The following EP300 variants were observed in gnomAD, a reference collection of about 807,000 sequenced individuals.
The protein encoded by EP300 is EP300 lysine acetyltransferase, also known as histone acetyltransferase p300.
Under a neutral mutation model 264.0 loss-of-function variants are expected in EP300, and 31 were observed. That is an observed-to-expected ratio of 0.12 (90% CI 0.09 to 0.16). The LOEUF (loss-of-function observed/expected upper bound fraction) is 0.16, where lower values mean the gene tolerates loss of function less well. Among genes scored for constraint, EP300 ranks in the 10% least tolerant of loss-of-function variants. The probability of loss-of-function intolerance (pLI) is 1.00; values close to 1 mark genes in which losing one functional copy is unlikely to be tolerated. For synonymous variants in EP300, 1,340 were observed against 1,045.4 expected (o/e 1.28, Z -5.44); for missense variants, 2,766 against 3,052.9 (o/e 0.91, Z 2.21).
chr22:41,178,744 A>G lies in EP300; in HGVS notation c.7033A>G (p.Ser2345Gly). ...PSPHHVSPQT[S>G]SPHPGLVAAQ... ...TCCACACCACGTTTCCCCACAGACA[A>G]GTTCCCCACATCCTGGACTGGTAGC... is the stretch of plus-strand genomic sequence containing the variant. Residue 2345 changes from serine to glycine, a missense_variant, in exon 31 of 31, where the codon AGT (serine) becomes GGT (glycine). Physicochemically the swap from Ser to Gly is moderately conservative, Grantham distance 56. Coordinates refer to ENST00000263253, the MANE Select transcript of EP300 (RefSeq NM_001429.4). The G allele has an allele frequency of 6.2e-7, 1 of 1,614,048 alleles. No individual in the cohort carries two copies.
At chr22:41,101,492 A>G (rs1423319725) in intron 1 of EP300, among the ~76,000 whole-genome samples, 2 of 143,804 alleles carry the variant, frequency 1.4e-5, no homozygotes, top group Non-Finnish European at 3.0e-5. Context: ...GCTCACTGCC[A>G]GCTCCGCCTC....
chr22:41,155,255 T>A (rs568765895), intron 17 of EP300, 142 bp downstream of exon 17: 2 of 770,602 alleles, frequency 2.6e-6, no homozygotes, highest in African/African-American at 1.7e-5. Context: ...TGAGACAGGG[T>A]CTTATTCTGG....
intron 10 of EP300, among the ~76,000 whole-genome samples, chr22:41,143,278 T>C (rs2058993077): frequency 6.6e-6 from 1 of 152,004 alleles, no homozygotes; most frequent in African/African-American, 2.4e-5. Flanking sequence ...ATGGTGAAAC[T>C]CTGTCTCTAT....
chr22:41,137,005 AG>A (rs1166581238), intron 7 of EP300, among the ~76,000 whole-genome samples: 1 of 151,826 alleles, frequency 6.6e-6, no homozygotes, highest in Non-Finnish European at 1.5e-5. Flanking sequence ...GGTTGCAGTG[AG>A]CTGAGATCAT....
At position 41,178,299 on chromosome 22, in the gene EP300, A is replaced by T; in HGVS notation, c.6588A>T (p.Gly2196=). Residue 2196 remains glycine, a synonymous_variant, in exon 31 of 31, where the codon GGA becomes GGT. Coordinates refer to ENST00000263253, the MANE Select transcript of EP300 (RefSeq NM_001429.4). ...QQMMQQQQQQ[G]AGPGIGPGMA... Reference sequence around the variant, plus strand: ...TGATGCAACAGCAGCAGCAACAGGGAGCAGGGCCAGGAATAGGCCCTGGAA... The same window carrying T: ...TGATGCAACAGCAGCAGCAACAGGGTGCAGGGCCAGGAATAGGCCCTGGAA... 6.2e-7 allele frequency: 1 copy of T among 1,614,156 alleles called. No individual in the cohort carries two copies. The highest frequency in any genetic ancestry group is 8.5e-7 in the Non-Finnish European group (1 of 1,180,020).
intron 22 of EP300, 113 bp from the exon 23 acceptor site, chr22:41,166,486 A>G (rs1287492442): frequency 4.9e-6 from 4 of 811,012 alleles, no homozygotes; most frequent in Admixed American, 2.3e-5. Context: ...TTAACTCTTC[A>G]TTAGAAATTT....
chr22:41,097,302 G>C (rs888595780), intron 1 of EP300, among the ~76,000 whole-genome samples: 1 of 152,188 alleles, frequency 6.6e-6, no homozygotes, highest in African/African-American at 2.4e-5. Flanking sequence ...ATTCCAGCAG[G>C]AGTTCATCTT....
rs772381985 is a variant in EP300, at chr22:41,177,549, A to G, written c.5838A>G (p.Gln1946=). The change falls in exon 31 of 31, where the codon CAA becomes CAG. Residue 1946 remains glutamine, a synonymous_variant. Transcript: ENST00000263253. ...AETQRQMAHV[Q]IFQRPIQHQM... is the part of the protein sequence containing the mutation. Reference sequence around the variant, plus strand: ...CGCAGCGCCAGATGGCCCACGTGCAAATTTTTCAAAGGCCAATCCAACACC... The same window carrying G: ...CGCAGCGCCAGATGGCCCACGTGCAGATTTTTCAAAGGCCAATCCAACACC... The G allele has an allele frequency of 6.8e-6, 11 of 1,614,116 alleles. No individual in the cohort carries two copies. Among genetic ancestry groups the G allele is most frequent in the African/African-American group, 1.3e-5 (1 of 75,014 alleles).
At chr22:41,124,082 G>A (rs374575507) in intron 2 of EP300, among the ~76,000 whole-genome samples, 22 of 152,048 alleles carry the variant, frequency 1.4e-4, no homozygotes, top group African/African-American at 4.3e-4. Context: ...ACCCCGTCTC[G>A]ACTGAAAGTA....
rs536890335 is a variant in EP300, at chr22:41,126,310, G to T, written c.906+270G>T. On this transcript the variant is annotated intron_variant, in intron 3 of 30. Coordinates refer to ENST00000263253, the MANE Select transcript of EP300 (RefSeq NM_001429.4). ...TGAAGTTTTAGGGGCCTGCCATTCAGCAACTTGGTCTTGTGAGCGTTTCCA... is the reference window on the plus strand; with the variant it reads ...TGAAGTTTTAGGGGCCTGCCATTCATCAACTTGGTCTTGTGAGCGTTTCCA... 163 of 410,508 alleles carry T rather than the reference G, an allele frequency of 4.0e-4. 1 individual carries two copies. In the East Asian group the frequency reaches 7.1e-3, roughly 18 times the overall value. 25.4% of individuals were successfully genotyped at this position (410,508 alleles called of 1,614,324 possible). A position where few individuals can be genotyped will look rare whatever the true frequency, so the allele number is the denominator to read the frequency against.
At chr22:41,093,705 G>A (rs561952497) in intron 1 of EP300, among the ~76,000 whole-genome samples, 16 of 152,068 alleles carry the variant, frequency 1.1e-4, no homozygotes, top group Admixed American at 3.3e-4. Flanking sequence ...AATCAATATG[G>A]AGCGCAGTTC....
Position 41,140,272 on chromosome 22 carries a change from T to G in EP300, c.1878+15T>G, listed in dbSNP as rs765389630. The G allele has an allele frequency of 1.3e-6, 2 of 1,541,686 alleles. No individual in the cohort carries two copies. Among genetic ancestry groups the G allele is most frequent in the Non-Finnish European group, 1.8e-6 (2 of 1,114,048 alleles). ...CAAACAATCGAGTGAGTGTCTGGTT[T>G]TTTTCTATTAATAGCCAAGATTGAA... On this transcript the variant is annotated intron_variant, in intron 9 of 30. Coordinates refer to ENST00000263253, the MANE Select transcript of EP300 (RefSeq NM_001429.4).
chr22:41,132,516 T>C (rs1295587458), intron 6 of EP300, among the ~76,000 whole-genome samples: 4 of 152,042 alleles, frequency 2.6e-5, no homozygotes, highest in Non-Finnish European at 5.9e-5. Flanking sequence ...CTCAATCTCT[T>C]GACCTCGTGA....
At chr22:41,103,828 A>G (rs1303582362) in intron 1 of EP300, among the ~76,000 whole-genome samples, 1 of 152,220 alleles carries the variant, frequency 6.6e-6, no homozygotes, top group Non-Finnish European at 1.5e-5. Context: ...GTAACACCGT[A>G]CAGAGCAGCA....
chr22:41,169,465 C>T (rs1160668642), intron 25 of EP300, 38 bp from the exon 26 acceptor site: 2 of 1,375,614 alleles, frequency 1.5e-6, no homozygotes, highest in East Asian at 2.3e-5. Flanking sequence ...TGTGACCTGA[C>T]TTTTTTTTTC....
intron 6 of EP300, among the ~76,000 whole-genome samples, chr22:41,132,720 C>T (rs548814705): frequency 1.7e-4 from 26 of 152,132 alleles, no homozygotes; most frequent in Non-Finnish European, 3.4e-4. Flanking sequence ...GTAATGATTT[C>T]CTCATGTCTG....
In EP300 at chr22:41,163,461, C is replaced by G. The variant is rs1227519316; in HGVS notation, c.3729-592C>G. On this transcript the variant is annotated intron_variant, in intron 21 of 30. Transcript: ENST00000263253. ...AAAAAAAAAAAAAAAAAAAATTAGCCAGGTTTGGCCGGGCACAGTGGCCCA... is the reference window on the plus strand; with the variant it reads ...AAAAAAAAAAAAAAAAAAAATTAGCGAGGTTTGGCCGGGCACAGTGGCCCA... Among the ~76,000 whole-genome samples the G allele has an allele frequency of 3.4e-5, 5 of 144,952 alleles. No individual in the cohort carries two copies. In the East Asian group the frequency reaches 1.0e-3, roughly 30 times the overall value.
chr22:41,129,789 GTTAATGCA>G (rs2058906226), intron 4 of EP300, 93 bp from the exon 5 acceptor site: 2 of 848,944 alleles, frequency 2.4e-6, no homozygotes, highest in Admixed American at 4.0e-5. Flanking sequence ...GATGAAATAA[GTTAATGCA>G]TTTATGTTAC....
chr22:41,176,584 GC>G lies in EP300; in HGVS notation c.5061+58del. The G allele has an allele frequency of 1.9e-5, 30 of 1,610,958 alleles. No individual in the cohort carries two copies. The South Asian group carries it at 3.0e-4, about 16-fold the overall frequency. ...GAGCTCCGCAGGGTTGTTCTGAGGGGCCATGCAGCCACGTATTTTATAGAGG... is the reference window on the plus strand; with the variant it reads ...GAGCTCCGCAGGGTTGTTCTGAGGGGCATGCAGCCACGTATTTTATAGAGG... On this transcript the variant is annotated intron_variant, in intron 30 of 30. Transcript: ENST00000263253.
Sources: allele counts gnomAD v4.1 joint callset (sites outside exome capture counted in the v4.1 genomes callset), GRCh38; gene constraint gnomAD v4.1.1; transcripts MANE v1.5; gene names NCBI Gene and HGNC (gene_info 2026-07-23, HGNC 2026-07-21).